CLIC5: variants seen among roughly 807,000 people sequenced by gnomAD.
CLIC5 encodes the protein chloride intracellular channel protein 5.
In CLIC5, 20 loss-of-function variants were observed where a neutral mutation model predicts 24.7. The observed-to-expected ratio is 0.81, with a 90% CI of 0.57 to 1.18. CLIC5 has a LOEUF of 1.18. Among genes scored for constraint, CLIC5 ranks in the 50% most tolerant of loss-of-function variants. CLIC5 has a pLI of 0.00. For missense variants in CLIC5, 341 were observed against 326.1 expected (o/e 1.05, Z -0.35); for synonymous variants, 159 against 135.6 (o/e 1.17, Z -1.20).
chr6:46,098,554 A>G, the CLIC5 span, among the ~76,000 whole-genome samples: 1 of 152,182 alleles, frequency 6.6e-6, no homozygotes. Flanking sequence ...GCAGCCTTAG[A>G]GTAATCAAAT....
At chr6:45,970,256 G>A (rs1561973171) in intron 1 of CLIC5, among the ~76,000 whole-genome samples, 1 of 152,132 alleles carries the variant, frequency 6.6e-6, no homozygotes, top group Non-Finnish European at 1.5e-5. Flanking sequence ...AGTCCTGGAT[G>A]ATTATATCTT....
In CLIC5 at chr6:45,914,332, C is replaced by T. The variant is rs922400240; in HGVS notation, c.484G>A (p.Ala162Thr). The part of the protein sequence containing the change: ...LNTPLPEEID[A>T]NTCGEDKGSR... ...CCCTTGTCTTCCCCACAAGTGTTGG[C>T]GTCAATCTCCTCTGGTAGAGGGGTG... The change falls in exon 5 of 6, where the codon GCC becomes ACC. Residue 162 changes from alanine to threonine, a missense_variant. Physicochemically the swap from Ala to Thr is moderately conservative, Grantham distance 58. Transcript: ENST00000339561. 18 of 1,609,720 alleles carry T rather than the reference C, an allele frequency of 1.1e-5. No homozygotes were observed. The highest frequency in any genetic ancestry group is 1.7e-4 in the Middle Eastern group (1 of 6,058).
the CLIC5 span, among the ~76,000 whole-genome samples, chr6:46,089,625 G>A: frequency 4.6e-5 from 7 of 152,212 alleles, no homozygotes; most frequent in Admixed American, 3.3e-4. Context: ...AAGATTAAAT[G>A]ACATACAATA....
At position 45,955,198 on chromosome 6, in the gene CLIC5, C is replaced by T. The variant is rs781677091; in HGVS notation, c.110G>A (p.Arg37His). 1.2e-5 allele frequency: 20 copies of T among 1,613,896 alleles called. No homozygotes were observed. Among genetic ancestry groups the T allele is most frequent in the East Asian group, 4.5e-5 (2 of 44,892 alleles). The change falls in exon 2 of 6, where the codon CGC becomes CAC. Residue 37 changes from arginine to histidine, a missense_variant. Arg to His is a conservative substitution (Grantham distance 29). Coordinates refer to ENST00000339561, the MANE Select transcript of CLIC5 (RefSeq NM_016929.5). ...TTTCAGCCAGAGGATCATGAAGAGGCGCTGAGAGAAAGGACAGTTGCCGAT... is the reference window on the plus strand; with the variant it reads ...TTTCAGCCAGAGGATCATGAAGAGGTGCTGAGAGAAAGGACAGTTGCCGAT... ...ESIGNCPFSQ[R>H]LFMILWLKGV...
the CLIC5 span, among the ~76,000 whole-genome samples, chr6:46,112,345 T>G: frequency 2.0e-5 from 3 of 152,228 alleles, no homozygotes; most frequent in Admixed American, 2.0e-4. Flanking sequence ...CTAAGAGCTT[T>G]CACCTGTGAG....
chr6:45,981,378 A>T (rs1261887070), intron 1 of CLIC5, among the ~76,000 whole-genome samples: 1 of 152,126 alleles, frequency 6.6e-6, no homozygotes, highest in Non-Finnish European at 1.5e-5. Flanking sequence ...TACAAACTAA[A>T]TAAGGAGCCA....
At chr6:45,922,823 A>AGAGAGAGAGAGAG (rs1763318438) in intron 4 of CLIC5, among the ~76,000 whole-genome samples, 7 of 140,716 alleles carry the variant, frequency 5.0e-5, no homozygotes, top group African/African-American at 1.9e-4. Context: ...GAGAGAGAGA[A>AGAGAGAGAGAGAG]AGAGAGAGAG....
At chr6:46,070,719 A>AG (rs1366024998) in intron 1 of CLIC5, among the ~76,000 whole-genome samples, 2 of 152,158 alleles carry the variant, frequency 1.3e-5, no homozygotes, top group Admixed American at 6.6e-5. Flanking sequence ...CTAAAAAAAA[A>AG]GAACTATTTA....
chr6:45,932,793 T>C (rs72871469), intron 4 of CLIC5: 2,681 of 152,368 alleles, frequency 0.018, 38 homozygotes, highest in Middle Eastern at 0.041. Context: ...ATTTGAAGAT[T>C]CGGGCCTGAA....
rs370355323 is a variant in CLIC5, at chr6:45,957,976, C to T, written c.64-2732G>A. Among the ~76,000 whole-genome samples, 103 of 152,140 alleles carry T rather than the reference C, an allele frequency of 6.8e-4. 1 individual carries two copies. In the South Asian group the frequency reaches 0.018, roughly 26 times the overall value. On this transcript the variant is annotated intron_variant, in intron 1 of 5. Coordinates refer to ENST00000339561, the MANE Select transcript of CLIC5 (RefSeq NM_016929.5). The stretch of plus-strand genomic sequence containing the variant: ...ATTTTGAGCACTGGGGGCCAGGGAC[C>T]GGCACAAAAACAGTGTCCTAGGTTG...
At chr6:46,000,612 G>A (rs1766319217) in intron 1 of CLIC5, among the ~76,000 whole-genome samples, 1 of 152,160 alleles carries the variant, frequency 6.6e-6, no homozygotes, top group Non-Finnish European at 1.5e-5. Flanking sequence ...GGTTCCGCAG[G>A]GCTGGGGAGA....
rs1561938219 is a variant in CLIC5 at position 45,926,240 on chromosome 6, T to TAC, written c.407-11832_407-11831insGT. On this transcript the variant is annotated intron_variant, in intron 4 of 5. Coordinates refer to ENST00000339561, the MANE Select transcript of CLIC5 (RefSeq NM_016929.5). ...ATACATACATATACATATATATATA[T>TAC]ATATTTTATTTTTTTTATTTTTTTT... is the stretch of plus-strand genomic sequence containing the variant. 3.1e-4 allele frequency among the ~76,000 whole-genome samples: 42 copies of TAC among 134,128 alleles called. 2 individuals carry two copies. The South Asian group carries it at 9.2e-3, about 29-fold the overall frequency. The allele number at this position is 134,128 out of a possible 152,430, so 88.0% of individuals were successfully genotyped here.
At chr6:46,101,933 C>T in the CLIC5 span, among the ~76,000 whole-genome samples, 1 of 147,644 alleles carries the variant, frequency 6.8e-6, no homozygotes, top group African/African-American at 2.5e-5. Context: ...ATTTTAGGCT[C>T]ATTCCAGGTA....
the CLIC5 span, among the ~76,000 whole-genome samples, chr6:46,086,343 C>G: frequency 6.6e-6 from 1 of 152,230 alleles, no homozygotes; most frequent in Non-Finnish European, 1.5e-5. Context: ...GCGTCACTCA[C>G]GCTGGGAGCT....
intron 5 of CLIC5, among the ~76,000 whole-genome samples, chr6:45,907,617 T>G (rs1005062330): frequency 5.3e-5 from 8 of 152,310 alleles, no homozygotes; most frequent in Non-Finnish European, 1.2e-4. Context: ...CTTCTTTTTA[T>G]GTCAGGTAAA....
intron 1 of CLIC5, among the ~76,000 whole-genome samples, chr6:46,055,537 C>G (rs191094324): frequency 1.1e-4 from 16 of 152,344 alleles, no homozygotes; most frequent in Admixed American, 2.0e-4. Context: ...CGCGCCAGGC[C>G]ATCAGTACTT....
intron 6 of CLIC5, among the ~76,000 whole-genome samples, chr6:45,889,824 A>G (rs1336625497): frequency 2.6e-5 from 4 of 152,224 alleles, no homozygotes; most frequent in African/African-American, 7.2e-5. Context: ...CACATGTTCA[A>G]AGACATCTGC....
intron 1 of CLIC5, among the ~76,000 whole-genome samples, chr6:45,985,130 G>A (rs1024555609): frequency 2.6e-5 from 4 of 152,178 alleles, no homozygotes; most frequent in African/African-American, 9.7e-5. Flanking sequence ...TGGCAAAGGG[G>A]GTAAGGAACA....
rs1414421064 is a variant in CLIC5 at position 45,958,445 on chromosome 6, T to TACAC, written c.64-3202_64-3201insGTGT. Among the ~76,000 whole-genome samples the TACAC allele has an allele frequency of 1.7e-4, 13 of 76,450 alleles. 1 individual carries two copies. Among genetic ancestry groups the TACAC allele is most frequent in the African/African-American group, 4.7e-4 (10 of 21,350 alleles). The allele number at this position is 76,450 out of a possible 152,430, so 50.2% of individuals were successfully genotyped here. On this transcript the variant is annotated intron_variant, in intron 1 of 5. Transcript: ENST00000339561. ...AATTATATATATATATATATATATATATATATATATATATATATATATATA... is the reference window on the plus strand; with the variant it reads ...AATTATATATATATATATATATATATACACATATATATATATATATATATATATA...
Sources: allele counts gnomAD v4.1 joint callset (sites outside exome capture counted in the v4.1 genomes callset), GRCh38; gene constraint gnomAD v4.1.1; transcripts MANE v1.5; gene names NCBI Gene and HGNC (gene_info 2026-07-23, HGNC 2026-07-21).